The following SHROOM4 variants were observed in gnomAD, a reference collection of about 807,000 sequenced individuals.
SHROOM4 encodes protein Shroom4.
A neutral mutation model predicts 80.3 loss-of-function variants in SHROOM4; 17 were observed. The observed-to-expected ratio is 0.21, with a 90% CI of 0.14 to 0.32. The LOEUF (loss-of-function observed/expected upper bound fraction) is 0.32. Ranked by LOEUF, SHROOM4 falls within the 10% of genes least tolerant of loss-of-function variation. The pLI, the probability that SHROOM4 is intolerant of heterozygous loss-of-function variation, is 1.00. For synonymous variants in SHROOM4, 400 were observed against 437.5 expected (o/e 0.91, Z 1.07); for missense variants, 993 against 1,140.3 (o/e 0.87, Z 1.86).
chrX:50,619,206 A>G (rs868953515), intron 5 of SHROOM4, among the ~76,000 whole-genome samples: 83 of 110,637 alleles, frequency 7.5e-4, no homozygotes, highest in African/African-American at 2.6e-3. Context: ...AGACTGAAAA[A>G]TCTCCTCCTA....
chrX:50,668,031 G>A (rs1932744428), intron 2 of SHROOM4, among the ~76,000 whole-genome samples: 1 of 111,944 alleles, frequency 8.9e-6, no homozygotes, highest in Admixed American at 9.4e-5. Flanking sequence ...GCTGAGTGGG[G>A]AGCCTAGACT....
At chrX:50,650,329 C>G (rs1303419737) in intron 2 of SHROOM4, among the ~76,000 whole-genome samples, 1 of 111,824 alleles carries the variant, frequency 8.9e-6, no homozygotes, top group Non-Finnish European at 1.9e-5. Context: ...TTATACACCA[C>G]ACATGTATTA....
In SHROOM4 at chrX:50,634,463, G is replaced by T. The variant is rs782223721; in HGVS notation, c.1610C>A (p.Ala537Asp). 4 of 1,209,720 alleles carry T rather than the reference G, an allele frequency of 3.3e-6. No homozygotes were observed. Among genetic ancestry groups the T allele is most frequent in the Non-Finnish European group, 4.5e-6 (4 of 895,245 alleles). Residue 537 changes from alanine (A) to aspartate (D), a missense_variant, in exon 4 of 9, where the codon GCC becomes GAC. Ala to Asp is a moderately radical substitution (Grantham distance 126). Transcript: ENST00000376020. The part of the protein sequence containing the change: ...PSASGSLVQQ[A>D]TDCSSTTKAA... The stretch of plus-strand genomic sequence containing the variant: ...TTTAGTGGTTGAAGAACAGTCCGTG[G>T]CTTGTTGAACAAGGGAGCCAGAGGC...
chrX:50,578,979 A>G, the SHROOM4 span, among the ~76,000 whole-genome samples: 1 of 111,954 alleles, frequency 8.9e-6, no homozygotes, highest in African/African-American at 3.2e-5. Flanking sequence ...GAAAAAGTGT[A>G]TATCCATAGT....
At chrX:50,795,656 G>A (rs1557272052) in intron 1 of SHROOM4, among the ~76,000 whole-genome samples, 4 of 111,568 alleles carry the variant, frequency 3.6e-5, no homozygotes, top group Admixed American at 2.9e-4. Context: ...ACAAGTCACT[G>A]GGCATATTCA....
rs782323339 is a variant in SHROOM4, at chrX:50,602,093, CT to C, written c.3942+539del. Among the ~76,000 whole-genome samples the C allele has an allele frequency of 7.1e-3, 725 of 102,124 alleles. 8 individuals carry two copies. Among genetic ancestry groups the C allele is most frequent in the African/African-American group, 0.02 (580 of 28,309 alleles). The allele number at this position is 102,124 out of a possible 115,157, so 88.7% of individuals were successfully genotyped here. ...TGTTGGGCTGTTCTTTTCTTTTCTTCTTTTTTTTTTTTTTGAGACTGAGTTT... is the reference window on the plus strand; with the variant it reads ...TGTTGGGCTGTTCTTTTCTTTTCTTCTTTTTTTTTTTTTGAGACTGAGTTT... On this transcript the variant is annotated intron_variant, in intron 7 of 8. Coordinates refer to ENST00000376020, the MANE Select transcript of SHROOM4 (RefSeq NM_020717.5).
Position 50,596,619 on chromosome X carries a change from G to T in SHROOM4, c.*76C>A. The stretch of plus-strand genomic sequence containing the variant: ...CTGCTAATTGCTATCTACTTGCTGA[G>T]AAACTGCTAACAAAGAAGATTGAAA... On this transcript the variant is annotated 3_prime_UTR_variant, in exon 9 of 9. Transcript: ENST00000376020. The T allele has an allele frequency of 8.5e-7, 1 of 1,175,427 alleles. No individual in the cohort carries two copies. The highest frequency in any genetic ancestry group is 1.1e-6 in the Non-Finnish European group (1 of 872,954).
intron 2 of SHROOM4, among the ~76,000 whole-genome samples, chrX:50,663,586 A>G (rs1255112037): frequency 9.1e-6 from 1 of 110,049 alleles, no homozygotes; most frequent in Non-Finnish European, 1.9e-5. Context: ...TGGGCCTTCT[A>G]TAGATTGTTC....
chrX:50,799,658 G>A (rs782399060), intron 1 of SHROOM4, among the ~76,000 whole-genome samples: 1 of 112,137 alleles, frequency 8.9e-6, no homozygotes, highest in Admixed American at 9.4e-5. Context: ...GACACAACAT[G>A]TCAGAGCTTG....
intron 1 of SHROOM4, among the ~76,000 whole-genome samples, chrX:50,733,391 G>C (rs980527156): frequency 9.0e-6 from 1 of 111,592 alleles, no homozygotes; most frequent in African/African-American, 3.3e-5. Context: ...GAAGTGATTA[G>C]GTCATGAGGG....
intron 1 of SHROOM4, among the ~76,000 whole-genome samples, chrX:50,719,261 G>A (rs894173464): frequency 9.0e-6 from 1 of 111,506 alleles, no homozygotes; most frequent in Non-Finnish European, 1.9e-5. Context: ...GTGACTCTAC[G>A]ACTAAGATGC....
intron 1 of SHROOM4, among the ~76,000 whole-genome samples, chrX:50,717,128 G>C (rs1332962302): frequency 8.9e-6 from 1 of 112,011 alleles, no homozygotes; most frequent in Non-Finnish European, 1.9e-5. Flanking sequence ...TAGGGGTAAG[G>C]GGGATCCATC....
intron 1 of SHROOM4, among the ~76,000 whole-genome samples, chrX:50,718,444 G>A (rs1383496580): frequency 9.0e-6 from 1 of 111,399 alleles, no homozygotes; most frequent in Non-Finnish European, 1.9e-5. Context: ...TTAGTGGCTG[G>A]GTCCAAGAGT....
At chrX:50,805,764 T>G (rs782424887) in intron 1 of SHROOM4, among the ~76,000 whole-genome samples, 2 of 111,541 alleles carry the variant, frequency 1.8e-5, no homozygotes, top group Non-Finnish European at 3.8e-5. Context: ...TAGCATGCCA[T>G]GATTATTCAG....
chrX:50,590,072 A>C lies in SHROOM4; in HGVS notation c.*6623T>G, dbSNP rs1322524640. 9.0e-6 allele frequency among the ~76,000 whole-genome samples: 1 copy of C among 111,521 alleles called. No homozygotes were observed. The highest frequency in any genetic ancestry group is 3.3e-5 in the African/African-American group (1 of 30,639). ...CCCTGTGCTTGCTAGCCAGTTGCAT[A>C]TTGCTATAAGCTGAATGTTTGTGTC... On this transcript the variant is annotated 3_prime_UTR_variant, in exon 9 of 9. Coordinates refer to ENST00000376020, the MANE Select transcript of SHROOM4 (RefSeq NM_020717.5).
At chrX:50,672,307 CA>C (rs1316534014) in intron 2 of SHROOM4, among the ~76,000 whole-genome samples, 1 of 111,519 alleles carries the variant, frequency 9.0e-6, no homozygotes, top group Non-Finnish European at 1.9e-5. Flanking sequence ...AAAATGGTGC[CA>C]ATAGACTTGC....
chrX:50,612,917 G>A (rs1930064232), intron 5 of SHROOM4, among the ~76,000 whole-genome samples: 1 of 110,470 alleles, frequency 9.1e-6, no homozygotes, highest in African/African-American at 3.3e-5. Context: ...AAAGTCAAAA[G>A]CCAATATTGT....
At chrX:50,643,374 T>C (rs1410845405) in intron 2 of SHROOM4, 1 of 111,191 alleles carries the variant, frequency 9.0e-6, no homozygotes, top group African/African-American at 3.3e-5. Flanking sequence ...GCTCAGACTC[T>C]CGTTGACAAA....
intron 2 of SHROOM4, among the ~76,000 whole-genome samples, chrX:50,677,154 T>C (rs1456611372): frequency 1.8e-5 from 2 of 111,564 alleles, no homozygotes; most frequent in African/African-American, 3.2e-5. Flanking sequence ...CAACACAGTA[T>C]GAATTATAGT....
Sources: allele counts gnomAD v4.1 joint callset (sites outside exome capture counted in the v4.1 genomes callset), GRCh38; gene constraint gnomAD v4.1.1; transcripts MANE v1.5; gene names NCBI Gene and HGNC (gene_info 2026-07-23, HGNC 2026-07-21).